Variants in KIF16B observed in about 807,000 individuals in gnomAD.
The protein encoded by KIF16B is kinesin-like protein KIF16B.
Under a neutral mutation model 156.3 loss-of-function variants are expected in KIF16B, and 98 were observed. The observed-to-expected ratio is 0.63, with a 90% CI of 0.53 to 0.74. The LOEUF is 0.74. Ranked by LOEUF, KIF16B falls within the 30% of genes least tolerant of loss-of-function variation. The probability of loss-of-function intolerance (pLI) is 0.00; values close to 1 mark genes in which losing one functional copy is unlikely to be tolerated. For synonymous variants in KIF16B, 564 were observed against 583.7 expected (o/e 0.97, Z 0.49); for missense variants, 1,421 against 1,606.5 (o/e 0.88, Z 1.97).
intron 25 of KIF16B, among the ~76,000 whole-genome samples, chr20:16,275,300 C>A (rs1328894714): frequency 3.9e-5 from 6 of 152,180 alleles, no homozygotes; most frequent in Non-Finnish European, 5.9e-5. Context: ...AAATGATCCA[C>A]CCCCCTTGGC....
chr20:16,507,343 G>A (rs1357647334), intron 7 of KIF16B, among the ~76,000 whole-genome samples: 1 of 152,036 alleles, frequency 6.6e-6, no homozygotes, highest in Non-Finnish European at 1.5e-5. Context: ...CCCAGATAAG[G>A]ACATCCCCAA....
intron 12 of KIF16B, among the ~76,000 whole-genome samples, chr20:16,459,026 T>C (rs931849689): frequency 2.6e-5 from 4 of 152,208 alleles, no homozygotes; most frequent in Non-Finnish European, 4.4e-5. Context: ...AGAACTTGCA[T>C]TGAACAAACA....
chr20:16,354,755 C>A (rs2064404125), intron 23 of KIF16B, among the ~76,000 whole-genome samples: 1 of 152,130 alleles, frequency 6.6e-6, no homozygotes, highest in East Asian at 1.9e-4. Flanking sequence ...ACCATCCTGG[C>A]TAACACAGTG....
rs1004500001 is a variant in KIF16B, at chr20:16,493,148, C to T, written c.1302+1143G>A. Among the ~76,000 whole-genome samples, 9 of 152,164 alleles carry T rather than the reference C, an allele frequency of 5.9e-5. No homozygotes were observed. In the South Asian group the frequency reaches 1.9e-3, roughly 32 times the overall value. ...AAGAGAAAAGTCTGAATGCAGAAAC[C>T]CTCACTTGTTGCAGTACATAAGAAG... On this transcript the variant is annotated intron_variant, in intron 12 of 25. Transcript: ENST00000354981.
At chr20:16,383,249 T>G (rs1329543002) in intron 17 of KIF16B, among the ~76,000 whole-genome samples, 1 of 152,188 alleles carries the variant, frequency 6.6e-6, no homozygotes, top group Non-Finnish European at 1.5e-5. Flanking sequence ...TGGCAAACAG[T>G]ATCTCCATTT....
chr20:16,510,521 G>A (rs931930120), intron 6 of KIF16B, among the ~76,000 whole-genome samples: 2 of 152,074 alleles, frequency 1.3e-5, no homozygotes, highest in African/African-American at 4.8e-5. Context: ...GTGGTGGCAG[G>A]CGCCTGTAAT....
At chr20:16,406,767 G>A (rs1332171804) in intron 15 of KIF16B, among the ~76,000 whole-genome samples, 1 of 152,032 alleles carries the variant, frequency 6.6e-6, no homozygotes. Context: ...ACTTTTGATT[G>A]TCTGGAAGAA....
chr20:16,300,993 C>G (rs891285298), intron 25 of KIF16B, among the ~76,000 whole-genome samples: 1 of 152,172 alleles, frequency 6.6e-6, no homozygotes, highest in Non-Finnish European at 1.5e-5. Flanking sequence ...CTATTCATCT[C>G]TCCCCTCCCT....
At chr20:16,490,625 A>T (rs980822892) in intron 12 of KIF16B, among the ~76,000 whole-genome samples, 6 of 152,160 alleles carry the variant, frequency 3.9e-5, no homozygotes, top group African/African-American at 1.4e-4. Flanking sequence ...CACAAAAAAC[A>T]AGGCCATATG....
chr20:16,429,338 C>CAAACACAAA (rs2066439484), intron 13 of KIF16B, among the ~76,000 whole-genome samples: 2 of 152,160 alleles, frequency 1.3e-5, no homozygotes, highest in Non-Finnish European at 2.9e-5. Flanking sequence ...TTATGTAAGT[C>CAAACACAAA]TGCAAAACAC....
intron 12 of KIF16B, among the ~76,000 whole-genome samples, chr20:16,440,029 G>T (rs1176084908): frequency 6.6e-6 from 1 of 152,090 alleles, no homozygotes; most frequent in Non-Finnish European, 1.5e-5. Context: ...CCTACTCCCA[G>T]ACACACTCTA....
chr20:16,280,837 C>T (rs549692859), intron 25 of KIF16B, among the ~76,000 whole-genome samples: 5 of 49,652 alleles, frequency 1.0e-4, no homozygotes, highest in Non-Finnish European at 1.4e-4. Flanking sequence ...CTGCTGCGCG[C>T]GCACGTGTGT....
intron 1 of KIF16B, among the ~76,000 whole-genome samples, chr20:16,567,269 G>C (rs908600749): frequency 6.6e-6 from 1 of 152,154 alleles, no homozygotes; most frequent in Non-Finnish European, 1.5e-5. Flanking sequence ...CTTCCAAAGA[G>C]TATCAGCCAA....
At chr20:16,512,968 G>C in intron 4 of KIF16B, 45 bp from the exon 5 acceptor site, 1 of 1,399,908 alleles carries the variant, frequency 7.1e-7, no homozygotes, top group Non-Finnish European at 1.0e-6. Context: ...CAAAATAAAA[G>C]CAACTGATGA....
At chr20:16,432,724 G>A (rs2066534434) in intron 12 of KIF16B, among the ~76,000 whole-genome samples, 1 of 151,842 alleles carries the variant, frequency 6.6e-6, no homozygotes, top group South Asian at 2.1e-4. Flanking sequence ...AGAGGGCGGT[G>A]AAATGAAGTA....
chr20:16,448,087 T>C (rs538835479), intron 12 of KIF16B, among the ~76,000 whole-genome samples: 223 of 152,308 alleles, frequency 1.5e-3, no homozygotes, highest in Non-Finnish European at 2.7e-3. Flanking sequence ...TGAAGTATCC[T>C]GGGCTAGGTC....
intron 23 of KIF16B, among the ~76,000 whole-genome samples, chr20:16,345,880 G>T (rs1038897949): frequency 6.6e-6 from 1 of 152,218 alleles, no homozygotes; most frequent in African/African-American, 2.4e-5. Flanking sequence ...TAAGTTATTT[G>T]CTCTGAGATG....
chr20:16,336,899 C>G (rs1177042780), intron 23 of KIF16B, among the ~76,000 whole-genome samples: 1 of 152,134 alleles, frequency 6.6e-6, no homozygotes, highest in African/African-American at 2.4e-5. Flanking sequence ...GACTTTAGGC[C>G]TTTGGGTCTC....
Position 16,573,256 on chromosome 20 carries a change from G to A in KIF16B, c.20C>T (p.Ala7Val), listed in dbSNP as rs747106948. MASVKV[A>V]VRVRPMNRRE... ...GCGATTCATGGGCCGGACCCTCACG[G>A]CCACCTTGACCGATGCCATCGCTCA... Residue 7 changes from alanine to valine, a missense_variant, in exon 1 of 26, where the codon GCC becomes GTC. By Grantham distance (64) the Ala-to-Val change is moderately conservative. Transcript: ENST00000354981. 6.2e-7 allele frequency: 1 copy of A among 1,607,074 alleles called. No individual in the cohort carries two copies. Among genetic ancestry groups the A allele is most frequent in the Admixed American group, 1.7e-5 (1 of 59,582 alleles).
Sources: gnomAD v4.1 joint callset for allele counts (sites outside exome capture counted in the v4.1 genomes callset) on GRCh38, gnomAD v4.1.1 for gene constraint, MANE v1.5 for transcripts, NCBI Gene and HGNC (gene_info 2026-07-23, HGNC 2026-07-21) for gene names.